Variants in PHC1 observed in about 807,000 individuals in gnomAD.
PHC1 encodes polyhomeotic-like protein 1.
PHC1 carries 12 observed loss-of-function variants against 104.3 expected under a neutral mutation model. The ratio of observed to expected loss-of-function variants is 0.12; its 90% CI spans 0.07 to 0.19. The LOEUF is 0.19. PHC1 is among the 10% of genes least tolerant of loss of function. The pLI, the probability that PHC1 is intolerant of heterozygous loss-of-function variation, is 1.00. For missense variants in PHC1, 671 were observed against 1,200.0 expected, an observed-to-expected ratio of 0.56 and a Z score of 6.51; for synonymous variants, 302 against 455.8, an observed-to-expected ratio of 0.66 and a Z score of 4.30.
chr12:8,936,876 C>T lies in PHC1; in HGVS notation c.2389C>T (p.Leu797Phe), dbSNP rs1302441779. ...PSAELDKKAN[L>F]LKCEYCGKYA... is the part of the protein sequence containing the mutation. ...TTTAGAGTTAGATAAGAAGGCGAATCTCCTGAAGTGCGAGTACTGTGGGAA... is the reference window on the plus strand; with the variant it reads ...TTTAGAGTTAGATAAGAAGGCGAATTTCCTGAAGTGCGAGTACTGTGGGAA... Residue 797 changes from leucine (L) to phenylalanine (F), a missense_variant, in exon 12 of 15, where the codon CTC (leucine) becomes TTC (phenylalanine). By Grantham distance (22) the Leu-to-Phe change is conservative. Around this residue, in one of 9 missense-constraint regions of PHC1, gnomAD observed 192 missense variants for 280.5 expected, o/e 0.68. Transcript: ENST00000544916. 6.2e-7 allele frequency: 1 copy of T among 1,610,582 alleles called. No homozygotes were observed. The highest frequency in any genetic ancestry group is 1.3e-5 in the African/African-American group (1 of 74,848).
chr12:8,925,730 A>AT (rs1166498668), intron 6 of PHC1, among the ~76,000 whole-genome samples: 1 of 152,016 alleles, frequency 6.6e-6, no homozygotes, highest in African/African-American at 2.4e-5. Context: ...TGTGTTTAGG[A>AT]TTTTGGGCTT....
intron 14 of PHC1, among the ~76,000 whole-genome samples, chr12:8,938,361 T>A (rs750614253): frequency 1.5e-4 from 23 of 150,986 alleles, no homozygotes; most frequent in East Asian, 1.2e-3. Context: ...GGGGAAAAAA[T>A]TTTTTTTTTC....
intron 9 of PHC1, 59 bp from the exon 10 acceptor site, chr12:8,934,208 T>G: frequency 7.1e-7 from 1 of 1,414,824 alleles, no homozygotes; most frequent in East Asian, 2.3e-5. Context: ...CTGGCTCAAC[T>G]AATAGATGGA....
intron 8 of PHC1, 77 bp downstream of exon 8, chr12:8,933,427 T>G: frequency 7.0e-7 from 1 of 1,432,452 alleles, no homozygotes; most frequent in Non-Finnish European, 9.3e-7. Flanking sequence ...TAGAGCTTAA[T>G]TGAATAGGGG....
chr12:8,926,468 A>G (rs1034650102), intron 6 of PHC1, among the ~76,000 whole-genome samples: 3 of 151,916 alleles, frequency 2.0e-5, no homozygotes, highest in Admixed American at 2.0e-4. Context: ...CATACAAAAA[A>G]AATTAGCCGG....
chr12:8,931,090 G>C (rs1945671330), intron 7 of PHC1, among the ~76,000 whole-genome samples, 163 bp downstream of exon 7: 1 of 151,974 alleles, frequency 6.6e-6, no homozygotes, highest in South Asian at 2.1e-4. Flanking sequence ...GAACATATTA[G>C]TTCAGGGTCA....
chr12:8,937,229 A>C lies in PHC1; in HGVS notation c.2531A>C (p.Glu844Ala), dbSNP rs773771359. 1.2e-6 allele frequency: 2 copies of C among 1,613,668 alleles called. No homozygotes were observed. Among genetic ancestry groups the C allele is most frequent in the Non-Finnish European group, 1.7e-6 (2 of 1,179,696 alleles). The change falls in exon 13 of 15, where the codon GAG (glutamate) becomes GCG (alanine). Residue 844 changes from glutamate (E) to alanine (A), a missense_variant. By Grantham distance (107) the Glu-to-Ala change is moderately radical (BLOSUM62 -1). Transcript: ENST00000544916. ...QFRLKRKKMKEFQEANYARVR... is the reference protein window; with the variant it reads ...QFRLKRKKMKAFQEANYARVR... ...CGGCTGAAGAGGAAAAAAATGAAAG[A>C]GTTTCAAGAAGCCAACTATGCTCGC...
intron 9 of PHC1, 77 bp from the exon 10 acceptor site, chr12:8,934,190 A>T: frequency 7.5e-7 from 1 of 1,329,036 alleles, no homozygotes; most frequent in East Asian, 2.3e-5. Flanking sequence ...TTATTATGGA[A>T]GATCATGCTG....
At chr12:8,935,583 C>T (rs1174230356) in intron 11 of PHC1, among the ~76,000 whole-genome samples, 1 of 151,746 alleles carries the variant, frequency 6.6e-6, no homozygotes, top group South Asian at 2.1e-4. Context: ...GTGAGCTGCA[C>T]GCCACCGCAC....
intron 6 of PHC1, among the ~76,000 whole-genome samples, chr12:8,928,305 T>A (rs755551927): frequency 4.9e-4 from 75 of 152,344 alleles, no homozygotes; most frequent in African/African-American, 1.8e-3. Context: ...TATGTTTTTT[T>A]AAATAAGAAA....
intron 13 of PHC1, 131 bp downstream of exon 13, chr12:8,937,457 A>C (rs908363304): frequency 1.7e-5 from 14 of 844,032 alleles, no homozygotes; most frequent in African/African-American, 3.4e-5. Context: ...GCATTACTAC[A>C]AATTCCAAGA....
intron 6 of PHC1, among the ~76,000 whole-genome samples, chr12:8,928,981 A>G (rs1261267197): frequency 6.6e-6 from 1 of 152,202 alleles, no homozygotes; most frequent in Non-Finnish European, 1.5e-5. Context: ...TTGCTAATGA[A>G]TAATGCCACC....
At chr12:8,926,202 G>A (rs1378001798) in intron 6 of PHC1, among the ~76,000 whole-genome samples, 1 of 152,186 alleles carries the variant, frequency 6.6e-6, no homozygotes, top group Admixed American at 6.6e-5. Context: ...GTTTTATTAT[G>A]TGGTTCTTGA....
chr12:8,933,565 G>A (rs922854638), intron 8 of PHC1: 3 of 700,792 alleles, frequency 4.3e-6, no homozygotes, highest in Non-Finnish European at 6.8e-6. Context: ...TTTTGGGTAT[G>A]TAATAAGTTA....
At position 8,940,489 on chromosome 12, in the gene PHC1, A is replaced by ATTAT. The variant is rs1307167978; in HGVS notation, c.*1033_*1036dup. 1 of 139,360 alleles carries ATTAT rather than the reference A, an allele frequency of 7.2e-6. No individual in the cohort carries two copies. The highest frequency in any genetic ancestry group is 1.6e-5 in the Non-Finnish European group (1 of 64,030). 8.6% of individuals were successfully genotyped at this position (139,360 alleles called of 1,614,324 possible). On this transcript the variant is annotated 3_prime_UTR_variant, in exon 15 of 15. Coordinates refer to ENST00000544916, the MANE Select transcript of PHC1 (RefSeq NM_004426.3). ...ATAACAAAAAAGATGCTTTTGTAAC[A>ATTAT]TTATTTTCCCTGTTTAGAAAGAAAA...
At chr12:8,924,622 GA>G (rs1945464833) in intron 6 of PHC1, among the ~76,000 whole-genome samples, 1 of 152,228 alleles carries the variant, frequency 6.6e-6, no homozygotes, top group African/African-American at 2.4e-5. Context: ...GGAGTGAGAA[GA>G]AAACTAGAGA....
intron 4 of PHC1, 79 bp from the exon 5 acceptor site, chr12:8,921,522 A>T: frequency 7.9e-7 from 1 of 1,266,402 alleles, no homozygotes; most frequent in South Asian, 1.2e-5. Flanking sequence ...TGACTGTGTG[A>T]CTCTGAATTT....
At chr12:8,925,261 G>C (rs1166955246) in intron 6 of PHC1, among the ~76,000 whole-genome samples, 1 of 152,132 alleles carries the variant, frequency 6.6e-6, no homozygotes, top group Non-Finnish European at 1.5e-5. Flanking sequence ...TGCTGCGTTT[G>C]ACTGCTTGAA....
At chr12:8,915,439 A>G (rs1471931868) in intron 1 of PHC1, among the ~76,000 whole-genome samples, 1 of 151,616 alleles carries the variant, frequency 6.6e-6, no homozygotes, top group East Asian at 1.9e-4. Context: ...TTTCTGCATG[A>G]TAAGAGTTTC....
Sources: allele counts gnomAD v4.1 joint callset (sites outside exome capture counted in the v4.1 genomes callset), GRCh38; gene constraint gnomAD v4.1.1; regional missense constraint gnomAD v4.1.1; transcripts MANE v1.5; gene names NCBI Gene and HGNC (gene_info 2026-07-23, HGNC 2026-07-21).